The following GRIK2 variants were observed in gnomAD, a reference collection of about 807,000 sequenced individuals.
The protein encoded by GRIK2 is glutamate ionotropic receptor kainate type subunit 2.
A neutral mutation model predicts 100.3 loss-of-function variants in GRIK2; 32 were observed. The ratio of observed to expected loss-of-function variants is 0.32; its 90% confidence interval spans 0.24 to 0.43. The LOEUF (loss-of-function observed/expected upper bound fraction) is 0.43, where lower values mean the gene tolerates loss of function less well. Ranked by LOEUF, GRIK2 falls within the 20% of genes least tolerant of loss-of-function variation. GRIK2 has a pLI of 1.00. For missense variants in GRIK2, 843 were observed against 1,114.9 expected, an observed-to-expected ratio of 0.76 and a Z score of 3.47; for synonymous variants, 417 against 389.4, an observed-to-expected ratio of 1.07 and a Z score of -0.83.
intron 4 of GRIK2, among the ~76,000 whole-genome samples, chr6:101,669,593 G>A (rs1324715274): frequency 6.6e-6 from 1 of 152,048 alleles, no homozygotes; most frequent in African/African-American, 2.4e-5. Flanking sequence ...AGAAGACATG[G>A]CTGGTGAAAA....
At chr6:101,650,400 C>G (rs141730862) in intron 4 of GRIK2, among the ~76,000 whole-genome samples, 1 of 152,200 alleles carries the variant, frequency 6.6e-6, no homozygotes, top group African/African-American at 2.4e-5. Context: ...TCAACTTTAA[C>G]CACCTCCTTT....
intron 1 of GRIK2, among the ~76,000 whole-genome samples, chr6:101,398,175 G>A (rs1347956063): frequency 6.6e-6 from 1 of 152,094 alleles, no homozygotes; most frequent in Non-Finnish European, 1.5e-5. Flanking sequence ...TTAGGAAAAA[G>A]AATGTTCAAA....
chr6:101,776,922 A>T (rs980605094), intron 7 of GRIK2, among the ~76,000 whole-genome samples: 1 of 152,288 alleles, frequency 6.6e-6, no homozygotes, highest in Admixed American at 6.5e-5. Context: ...TTGAAGCATT[A>T]TACTTTCTAA....
intron 7 of GRIK2, among the ~76,000 whole-genome samples, chr6:101,764,131 G>A (rs1389607069): frequency 6.6e-6 from 1 of 152,002 alleles, no homozygotes; most frequent in Non-Finnish European, 1.5e-5. Context: ...TCACTTATAT[G>A]TCAGAGAATC....
intron 2 of GRIK2, among the ~76,000 whole-genome samples, chr6:101,535,625 G>A (rs1029588898): frequency 1.3e-5 from 2 of 151,562 alleles, no homozygotes; most frequent in Admixed American, 6.6e-5. Context: ...ATTAACTCTA[G>A]TATGAAAAAT....
At chr6:101,938,214 A>G (rs1790730804) in intron 14 of GRIK2, among the ~76,000 whole-genome samples, 1 of 152,022 alleles carries the variant, frequency 6.6e-6, no homozygotes, top group Admixed American at 6.6e-5. Flanking sequence ...TTATTTAAAG[A>G]TAATACTGTA....
At chr6:101,887,492 A>T (rs1287914340) in intron 11 of GRIK2, among the ~76,000 whole-genome samples, 2 of 151,638 alleles carry the variant, frequency 1.3e-5, no homozygotes, top group African/African-American at 2.4e-5. Flanking sequence ...CTACTACTTT[A>T]TGTTCATTTT....
At chr6:101,791,917 A>G (rs1218347760) in intron 7 of GRIK2, among the ~76,000 whole-genome samples, 1 of 151,968 alleles carries the variant, frequency 6.6e-6, no homozygotes, top group Admixed American at 6.5e-5. Flanking sequence ...TATATTTAGG[A>G]TAGTTATCTC....
chr6:101,495,356 A>G lies in GRIK2; in HGVS notation c.115+95964A>G, dbSNP rs1773383358. 4.0e-5 allele frequency among the ~76,000 whole-genome samples: 6 copies of G among 151,802 alleles called. No homozygotes were observed. The South Asian group carries it at 6.2e-4, about 16-fold the overall frequency. On this transcript the variant is annotated intron_variant, in intron 2 of 16. Coordinates refer to ENST00000369134, the MANE Select transcript of GRIK2 (RefSeq NM_021956.5). Reference sequence around the variant, plus strand: ...CCGTCTCTACTAAAAATACAAAACAATTAGCCAGGCGTGGTGGCGGGCACC... The same window carrying G: ...CCGTCTCTACTAAAAATACAAAACAGTTAGCCAGGCGTGGTGGCGGGCACC...
intron 9 of GRIK2, among the ~76,000 whole-genome samples, chr6:101,815,478 A>G (rs1556993): frequency 0.27 from 41,241 of 151,958 alleles, 7,528 homozygotes; most frequent in East Asian, 0.67. Flanking sequence ...AATTTATTAC[A>G]CAAATCATGA....
chr6:101,996,469 CA>C (rs1794655149), intron 14 of GRIK2, among the ~76,000 whole-genome samples: 1 of 151,914 alleles, frequency 6.6e-6, no homozygotes, highest in Non-Finnish European at 1.5e-5. Context: ...AAAAAAATGC[CA>C]AAAAGTGCTG....
chr6:101,858,831 T>A (rs752329801), intron 10 of GRIK2, among the ~76,000 whole-genome samples: 1 of 152,030 alleles, frequency 6.6e-6, no homozygotes, highest in Non-Finnish European at 1.5e-5. Flanking sequence ...TAGTAGGCAA[T>A]TAGTCAGCAA....
At chr6:102,053,619 A>T (rs1305854975) in intron 15 of GRIK2, among the ~76,000 whole-genome samples, 1 of 152,188 alleles carries the variant, frequency 6.6e-6, no homozygotes, top group Non-Finnish European at 1.5e-5. Flanking sequence ...TGCATTAGAT[A>T]TTACATAAGT....
At chr6:101,459,470 A>C (rs920568570) in intron 2 of GRIK2, among the ~76,000 whole-genome samples, 2 of 152,330 alleles carry the variant, frequency 1.3e-5, no homozygotes, top group Non-Finnish European at 2.9e-5. Flanking sequence ...TAGCATATTC[A>C]CAGTATAGTT....
chr6:101,965,442 T>TATC (rs140715664), intron 14 of GRIK2, among the ~76,000 whole-genome samples: 7,513 of 152,248 alleles, frequency 0.049, 379 homozygotes, highest in African/African-American at 0.12. Flanking sequence ...TCAGAGAGTC[T>TATC]ATCTTCAGCT....
At chr6:101,745,431 C>T (rs910677760) in intron 7 of GRIK2, among the ~76,000 whole-genome samples, 2 of 152,066 alleles carry the variant, frequency 1.3e-5, no homozygotes, top group South Asian at 4.1e-4. Context: ...ATTACCAATA[C>T]AGTCATGTAT....
At chr6:101,763,239 A>G (rs141260452) in intron 7 of GRIK2, among the ~76,000 whole-genome samples, 1 of 152,292 alleles carries the variant, frequency 6.6e-6, no homozygotes, top group Non-Finnish European at 1.5e-5. Context: ...TTCGAGTAGC[A>G]GGATTTGTTT....
chr6:101,602,824 C>T (rs1321451512), intron 2 of GRIK2, among the ~76,000 whole-genome samples: 1 of 151,568 alleles, frequency 6.6e-6, no homozygotes, highest in Non-Finnish European at 1.5e-5. Context: ...CACACTTCTC[C>T]CAAAGGACAA....
intron 14 of GRIK2, among the ~76,000 whole-genome samples, chr6:101,929,673 G>C: frequency 6.6e-6 from 1 of 152,006 alleles, no homozygotes; most frequent in East Asian, 1.9e-4. Context: ...ACTTAAGTCA[G>C]TATTTTGTCA....
Sources: allele counts gnomAD v4.1 joint callset (sites outside exome capture counted in the v4.1 genomes callset), GRCh38; gene constraint gnomAD v4.1.1; transcripts MANE v1.5; gene names NCBI Gene and HGNC (gene_info 2026-07-23, HGNC 2026-07-21).